Variants in INF2 observed in about 807,000 individuals in gnomAD.
INF2 encodes the protein inverted formin-2.
Under a neutral mutation model 123.5 loss-of-function variants are expected in INF2, and 43 were observed. The observed-to-expected ratio is 0.35, with a 90% CI of 0.27 to 0.45. The LOEUF (loss-of-function observed/expected upper bound fraction) is 0.45. Ranked by LOEUF, INF2 falls within the 20% of genes least tolerant of loss-of-function variation. The pLI, the probability that INF2 is intolerant of heterozygous loss-of-function variation, is 1.00. For synonymous variants in INF2, 851 were observed against 745.0 expected (o/e 1.14, Z -2.32); for missense variants, 1,453 against 1,682.7 (o/e 0.86, Z 2.39).
At chr14:104,708,233 G>A in intron 8 of INF2, 1 of 866,438 alleles carries the variant, frequency 1.2e-6, no homozygotes, top group Non-Finnish European at 1.7e-6. Context: ...GTGAGCCAGT[G>A]CATCTGGGGT....
At chr14:104,715,622 A>C in intron 22 of INF2, 2 of 592,516 alleles carry the variant, frequency 3.4e-6, no homozygotes, top group Non-Finnish European at 6.1e-6. Context: ...TGGCAGGGCC[A>C]GCCGGACTCC....
At chr14:104,698,463 T>C (rs953432298) in intron 1 of INF2, among the ~76,000 whole-genome samples, 2 of 152,214 alleles carry the variant, frequency 1.3e-5, no homozygotes, top group Admixed American at 6.5e-5. Context: ...TTTTCTCATA[T>C]GGATAATTCA....
At chr14:104,682,823 C>T (rs1031222742) in intron 1 of INF2, among the ~76,000 whole-genome samples, 1 of 152,240 alleles carries the variant, frequency 6.6e-6, no homozygotes, top group South Asian at 2.1e-4. Flanking sequence ...CCCCCCCGGA[C>T]AAGTCTAGCC....
At position 104,709,280 on chromosome 14, in the gene INF2, G is replaced by A; in HGVS notation, c.1950-1G>A. On this transcript the variant is annotated splice_acceptor_variant, in intron 10 of 22. Coordinates refer to ENST00000392634, the MANE Select transcript of INF2 (RefSeq NM_022489.4). LOFTEE classifies it high-confidence loss of function. The stretch of plus-strand genomic sequence containing the variant: ...CCTGCCCGGTCCTCTCCCTGCTCCA[G>A]CTCCAACGAGGAGGTCGCTGCTATG... 6.2e-7 allele frequency: 1 copy of A among 1,612,028 alleles called. No individual in the cohort carries two copies. Among genetic ancestry groups the A allele is most frequent in the Non-Finnish European group, 8.5e-7 (1 of 1,179,344 alleles).
At chr14:104,709,528 G>A in intron 11 of INF2, 92 bp from the exon 12 acceptor site, 1 of 1,331,948 alleles carries the variant, frequency 7.5e-7, no homozygotes, top group Non-Finnish European at 1.1e-6. Context: ...AGGGAGCCAT[G>A]ATGGGCACTG....
chr14:104,684,322 G>A lies in INF2; in HGVS notation c.-104+2740G>A. Reference sequence around the variant, plus strand: ...GCACTGGCTTAGCCTGCTCAGTGAGGTGCCCGAAGGAGGCCCACCAGCTCT... The same window carrying A: ...GCACTGGCTTAGCCTGCTCAGTGAGATGCCCGAAGGAGGCCCACCAGCTCT... On this transcript the variant is annotated intron_variant, in intron 1 of 2. Coordinates refer to the INF2 transcript ENST00000674723. This position sits in a 1 kb window ranked among gnomAD's most constrained non-coding sequence, Gnocchi z 5.0. The A allele has an allele frequency of 3.1e-6, 1 of 327,110 alleles. No homozygotes were observed. Among genetic ancestry groups the A allele is most frequent in the South Asian group, 2.4e-5 (1 of 41,156 alleles). 20.3% of individuals were successfully genotyped at this position (327,110 alleles called of 1,614,324 possible). A position where few individuals can be genotyped will look rare whatever the true frequency, so the allele number is the denominator to read the frequency against.
In INF2 at chr14:104,689,739, G is replaced by A. The variant is rs115602636; in HGVS notation, c.-10G>A. The A allele has an allele frequency of 0.074, 73,276 of 984,882 alleles. 2,969 individuals are homozygous for A. Among genetic ancestry groups the A allele is most frequent in the Middle Eastern group, 0.098 (187 of 1,908 alleles). The allele number at this position is 984,882 out of a possible 1,614,324, so 61.0% of individuals were successfully genotyped here. On this transcript the variant is annotated splice_region_variant and 5_prime_UTR_variant, in exon 1 of 23. Transcript: ENST00000392634. ...CCGCCCTCTGGCCGTTGCCTCACCG[G>A]GTAAGTCCTTGGCCTCGGGGTCCGC...
At chr14:104,712,339 TGGGGTGCCGG>T (rs774347349) in intron 16 of INF2, 84 bp from the exon 17 acceptor site, 19 of 1,535,184 alleles carry the variant, frequency 1.2e-5, no homozygotes, top group Non-Finnish European at 1.7e-5. Context: ...GGGTGCACAG[TGGGGTGCCGG>T]GGGGTGCAGG....
chr14:104,686,692 C>A (rs1888672936), upstream of INF2, among the ~76,000 whole-genome samples: 1 of 152,174 alleles, frequency 6.6e-6, no homozygotes, highest in Non-Finnish European at 1.5e-5. Flanking sequence ...AGGAAATGAA[C>A]CCATGGCCAG....
intron 1 of INF2, among the ~76,000 whole-genome samples, chr14:104,698,902 G>C (rs1302921393): frequency 6.6e-6 from 1 of 152,192 alleles, no homozygotes; most frequent in East Asian, 1.9e-4. Flanking sequence ...GACACGGCCA[G>C]CTGGGGCAGC....
chr14:104,714,747 G>C lies in INF2; in HGVS notation c.3585G>C (p.Glu1195Asp). The stretch of plus-strand genomic sequence containing the variant: ...CATCCCTGGACAAGTCCTTCTCCGA[G>C]GATGCGGTGACCGACTCCTCGGGGT... ...LDTSLDKSFS[E>D]DAVTDSSGSG... Residue 1195 changes from glutamate (E) to aspartate (D), a missense_variant, in exon 21 of 23, where the codon GAG (glutamate) becomes GAC (aspartate). Glu to Asp is a conservative substitution (Grantham distance 45). This residue lies in a region of INF2 where 344 missense variants were observed against 333.1 expected (regional missense o/e 1.03). Coordinates refer to ENST00000392634, the MANE Select transcript of INF2 (RefSeq NM_022489.4). The C allele has an allele frequency of 6.2e-7, 1 of 1,601,616 alleles. No individual in the cohort carries two copies. The highest frequency in any genetic ancestry group is 8.5e-7 in the Non-Finnish European group (1 of 1,173,878).
At chr14:104,710,825 G>T in intron 13 of INF2, 112 bp from the exon 14 acceptor site, 1 of 896,712 alleles carries the variant, frequency 1.1e-6, no homozygotes, top group Non-Finnish European at 1.7e-6. Context: ...GGCTGAGCCT[G>T]GGGAGGAGCC....
chr14:104,692,561 T>C (rs921209772), intron 1 of INF2, among the ~76,000 whole-genome samples: 2 of 152,190 alleles, frequency 1.3e-5, no homozygotes, highest in African/African-American at 4.8e-5. Context: ...CCTGGTCAAG[T>C]AGCCATTACC....
chr14:104,717,301 C>T lies in INF2; in HGVS notation c.*2-1494C>T, dbSNP rs533860221. Among the ~76,000 whole-genome samples, 4 of 143,294 alleles carry T rather than the reference C, an allele frequency of 2.8e-5. No homozygotes were observed. In the South Asian group the frequency reaches 8.7e-4, roughly 31 times the overall value. The allele number at this position is 143,294 out of a possible 152,430, so 94.0% of individuals were successfully genotyped here. ...TGCGCTGCCGTCCTCCCAGTCCCCC[C>T]CCCGGGCAGGGCGCGCTGCCGTCCT... On this transcript the variant is annotated intron_variant, in intron 22 of 22. Coordinates refer to ENST00000392634, the MANE Select transcript of INF2 (RefSeq NM_022489.4).
rs1447527598 is a variant in INF2, at chr14:104,706,146, C to T, written c.813C>T (p.His271=). The part of the protein sequence containing the change: ...RVSGGVDMSS[H]QEVFASLFHK... ...CTGGCGGGGTCGACATGAGCAGCCA[C>T]CAGGAGGTCTTTGCCTCCCTGTTCC... Residue 271 remains histidine (H), a synonymous_variant, in exon 6 of 23, where the codon CAC becomes CAT. Transcript: ENST00000392634. 7 of 1,600,370 alleles carry T rather than the reference C, an allele frequency of 4.4e-6. No homozygotes were observed. The highest frequency in any genetic ancestry group is 4.5e-5 in the East Asian group (2 of 44,398).
intron 22 of INF2, among the ~76,000 whole-genome samples, chr14:104,716,518 C>T (rs976753725): frequency 1.3e-5 from 2 of 152,186 alleles, no homozygotes; most frequent in African/African-American, 2.4e-5. Flanking sequence ...CTGGGGCGGG[C>T]GGCCACATCT....
chr14:104,684,450 G>A lies in INF2; in HGVS notation c.-104+2868G>A, dbSNP rs1003611119. On this transcript the variant is annotated intron_variant, in intron 1 of 2. Coordinates refer to the INF2 transcript ENST00000674723. This position sits in a 1 kb window ranked among gnomAD's most constrained non-coding sequence, Gnocchi z 5.0. ...ATGAGTGAACGATGCACACCACCGC[G>A]TGGATGAGTCTCAGAGACTGTGGAG... The A allele has an allele frequency of 9.7e-5, 23 of 237,676 alleles. No individual in the cohort carries two copies. The highest frequency in any genetic ancestry group is 4.8e-4 in the Admixed American group (9 of 18,846). The allele number at this position is 237,676 out of a possible 1,614,324, so 14.7% of individuals were successfully genotyped here.
chr14:104,685,580 G>A (rs1595146235), upstream of INF2, among the ~76,000 whole-genome samples: 1 of 141,044 alleles, frequency 7.1e-6, no homozygotes, highest in South Asian at 2.4e-4. Flanking sequence ...GGGTGGATGG[G>A]TGGATGAAAG....
At chr14:104,701,863 C>T in intron 2 of INF2, 107 bp downstream of exon 2, 2 of 1,263,508 alleles carry the variant, frequency 1.6e-6, no homozygotes, top group Admixed American at 5.8e-5. Flanking sequence ...GGAGGAAGCG[C>T]AGCCAGGCAG....
Sources: gnomAD v4.1 joint callset for allele counts (sites outside exome capture counted in the v4.1 genomes callset) on GRCh38, gnomAD v4.1.1 for gene constraint, gnomAD v4.1.1 regional missense constraint, Gnocchi (gnomAD v3.1) non-coding constraint, MANE v1.5 for transcripts, NCBI Gene and HGNC (gene_info 2026-07-23, HGNC 2026-07-21) for gene names.